RANBP2: variants seen among roughly 807,000 people sequenced by gnomAD.
The protein encoded by RANBP2 is E3 SUMO-protein ligase RanBP2.
RANBP2 carries 57 observed loss-of-function variants against 303.6 expected under a neutral mutation model. The observed-to-expected ratio is 0.19, with a 90% CI of 0.15 to 0.23. The LOEUF (loss-of-function observed/expected upper bound fraction) is 0.23, where lower values mean the gene tolerates loss of function less well. RANBP2 is among the 10% of genes least tolerant of loss of function. RANBP2 has a pLI of 1.00. For synonymous variants in RANBP2, 1,167 were observed against 1,301.5 expected (o/e 0.90, Z 2.23); for missense variants, 3,138 against 3,780.8 (o/e 0.83, Z 4.46).
the RANBP2 span, among the ~76,000 whole-genome samples, chr2:109,522,603 C>CTT: frequency 2.0e-4 from 30 of 149,726 alleles, no homozygotes; most frequent in Admixed American, 1.2e-3. Flanking sequence ...CGTGCCCAGC[C>CTT]TTTTTTTTTC....
rs2949982 is a variant in RANBP2 at position 108,729,679 on chromosome 2, T to G, written c.140+480T>G. 4.3e-4 allele frequency among the ~76,000 whole-genome samples: 66 copies of G among 152,002 alleles called. No individual in the cohort carries two copies. The South Asian group carries it at 7.7e-3, about 18-fold the overall frequency. On this transcript the variant is annotated intron_variant, in intron 2 of 28. Transcript: ENST00000283195. Reference sequence around the variant, plus strand: ...GCTTGGTGATTCTGATTTCCTGACTTGGAGTGGATTAAAGCAGGAAATTAA... The same window carrying G: ...GCTTGGTGATTCTGATTTCCTGACTGGGAGTGGATTAAAGCAGGAAATTAA...
the RANBP2 span, among the ~76,000 whole-genome samples, chr2:108,808,844 T>C: frequency 6.6e-6 from 1 of 152,222 alleles, no homozygotes; most frequent in Non-Finnish European, 1.5e-5. Flanking sequence ...TTGTCTGTTT[T>C]TGCTTTTGTT....
the RANBP2 span, among the ~76,000 whole-genome samples, chr2:109,715,620 G>C: frequency 1.3e-5 from 2 of 152,128 alleles, no homozygotes; most frequent in African/African-American, 4.8e-5. Flanking sequence ...TCTGAATTCT[G>C]TTCCTTTGGG....
the RANBP2 span, among the ~76,000 whole-genome samples, chr2:108,934,539 A>G: frequency 6.6e-6 from 1 of 152,314 alleles, no homozygotes; most frequent in East Asian, 1.9e-4. Flanking sequence ...GCTAGAACAG[A>G]ATACCACGGA....
the RANBP2 span, among the ~76,000 whole-genome samples, chr2:108,915,355 CT>C: frequency 1.8e-4 from 27 of 152,212 alleles, no homozygotes; most frequent in African/African-American, 6.0e-4. Flanking sequence ...GGGCTGGATG[CT>C]TCTCTGTCCT....
At chr2:109,039,759 T>C in the RANBP2 span, among the ~76,000 whole-genome samples, 1 of 152,138 alleles carries the variant, frequency 6.6e-6, no homozygotes, top group Non-Finnish European at 1.5e-5. Flanking sequence ...ATTTATTTAT[T>C]TTTAGTTAAT....
the RANBP2 span, among the ~76,000 whole-genome samples, chr2:109,771,575 A>G: frequency 1.4e-3 from 43 of 30,150 alleles, 5 homozygotes; most frequent in Non-Finnish European, 2.1e-4. Context: ...TTGAGAACCA[A>G]TCCTTGTAAG....
At chr2:108,858,003 A>C in the RANBP2 span, among the ~76,000 whole-genome samples, 2 of 152,222 alleles carry the variant, frequency 1.3e-5, no homozygotes, top group African/African-American at 4.8e-5. Flanking sequence ...AGTCTATTAG[A>C]GGAGATAGTC....
At chr2:108,888,201 C>G in the RANBP2 span, among the ~76,000 whole-genome samples, 1 of 151,946 alleles carries the variant, frequency 6.6e-6, no homozygotes, top group Non-Finnish European at 1.5e-5. Context: ...TCCTTGCATC[C>G]CTGGCATAAA....
At chr2:109,766,251 G>A in the RANBP2 span, among the ~76,000 whole-genome samples, 3 of 151,348 alleles carry the variant, frequency 2.0e-5, no homozygotes, top group East Asian at 6.1e-4. Flanking sequence ...GCAGCAGTGG[G>A]GAAGGGGCTG....
At chr2:109,000,896 G>A in the RANBP2 span, among the ~76,000 whole-genome samples, 13 of 152,122 alleles carry the variant, frequency 8.5e-5, no homozygotes, top group African/African-American at 3.1e-4. Context: ...GACTCAAGCT[G>A]ATGACGAGAC....
At chr2:109,799,182 T>G in the RANBP2 span, among the ~76,000 whole-genome samples, 1 of 77,354 alleles carries the variant, frequency 1.3e-5, no homozygotes, top group East Asian at 3.5e-4. Context: ...GAGGTTGCAG[T>G]GAGCTGAGAT....
At chr2:108,986,435 T>C in the RANBP2 span, among the ~76,000 whole-genome samples, 2 of 152,128 alleles carry the variant, frequency 1.3e-5, no homozygotes, top group Non-Finnish European at 2.9e-5. Flanking sequence ...GTGGCTGTCA[T>C]TGCACCATCT....
the RANBP2 span, among the ~76,000 whole-genome samples, chr2:109,091,823 C>G: frequency 2.6e-5 from 4 of 152,142 alleles, no homozygotes; most frequent in Admixed American, 2.0e-4. Context: ...TAACTATAGC[C>G]CTATCACAGG....
At chr2:109,221,350 A>G in the RANBP2 span, among the ~76,000 whole-genome samples, 1 of 152,306 alleles carries the variant, frequency 6.6e-6, no homozygotes, top group Admixed American at 6.5e-5. Flanking sequence ...TGGGAGGCTG[A>G]GACAGGCAGA....
At chr2:108,853,465 A>G in the RANBP2 span, among the ~76,000 whole-genome samples, 1 of 152,082 alleles carries the variant, frequency 6.6e-6, no homozygotes, top group Non-Finnish European at 1.5e-5. Context: ...TTTAATCTAG[A>G]AATTGTTAAA....
chr2:109,520,243 G>T, the RANBP2 span, among the ~76,000 whole-genome samples: 1 of 152,178 alleles, frequency 6.6e-6, no homozygotes, highest in Admixed American at 6.5e-5. Flanking sequence ...AAGGGAAGGA[G>T]GAGTTAGACC....
At chr2:109,101,300 G>A in the RANBP2 span, among the ~76,000 whole-genome samples, 1 of 152,138 alleles carries the variant, frequency 6.6e-6, no homozygotes, top group African/African-American at 2.4e-5. Flanking sequence ...ACCGAGGCAG[G>A]CAGATCACGA....
chr2:109,630,349 C>A, the RANBP2 span, among the ~76,000 whole-genome samples: 1 of 152,196 alleles, frequency 6.6e-6, no homozygotes, highest in African/African-American at 2.4e-5. Context: ...GGCCTGCAAA[C>A]CCTAGCAGAC....
Sources: allele counts gnomAD v4.1 joint callset (sites outside exome capture counted in the v4.1 genomes callset), GRCh38; gene constraint gnomAD v4.1.1; transcripts MANE v1.5; gene names NCBI Gene and HGNC (gene_info 2026-07-23, HGNC 2026-07-21).